The following OR51B5 variants were observed in gnomAD, a reference collection of about 807,000 sequenced individuals.
OR51B5 encodes the protein olfactory receptor 51B5.
For synonymous variants in OR51B5, 186 were observed against 144.8 expected (o/e 1.28, Z -2.04); for missense variants, 456 against 374.6 (o/e 1.22, Z -1.79).
chr11:5,360,459 T>G (rs1337281845), intron 1 of OR51B5, among the ~76,000 whole-genome samples: 2 of 150,924 alleles, frequency 1.3e-5, no homozygotes, highest in East Asian at 1.9e-4. Flanking sequence ...TCACACCAGT[T>G]AGAATGGCGA....
intron 1 of OR51B5, among the ~76,000 whole-genome samples, chr11:5,416,726 T>A (rs1850250384): frequency 7.3e-6 from 1 of 137,696 alleles, no homozygotes; most frequent in African/African-American, 2.7e-5. Flanking sequence ...ACAAGGGATG[T>A]GAAGGACCTC....
chr11:5,364,564 A>T (rs899441209), intron 1 of OR51B5, among the ~76,000 whole-genome samples: 4 of 152,294 alleles, frequency 2.6e-5, no homozygotes, highest in Middle Eastern at 3.4e-3. Flanking sequence ...AGCTTAAAAA[A>T]TATTCTGTAT....
At chr11:5,377,269 G>A (rs902020542) in intron 1 of OR51B5, among the ~76,000 whole-genome samples, 1 of 152,080 alleles carries the variant, frequency 6.6e-6, no homozygotes, top group Admixed American at 6.5e-5. Flanking sequence ...AACCCTTCAT[G>A]CTAAAAACTT....
At chr11:5,422,296 C>G in intron 1 of OR51B5, 8 of 1,614,090 alleles carry the variant, frequency 5.0e-6, no homozygotes, top group Non-Finnish European at 6.8e-6. Context: ...TCTCCATCCC[C>G]GTCTGCTGTC....
At chr11:5,459,950 C>A (rs2647591) in intron 1 of OR51B5, among the ~76,000 whole-genome samples, 100,746 of 152,016 alleles carry the variant, frequency 0.66, 33,662 homozygotes, top group Admixed American at 0.67. Context: ...AGCACTATTC[C>A]CAATAGCAAA....
At chr11:5,440,897 A>T in intron 1 of OR51B5, 1 of 1,613,806 alleles carries the variant, frequency 6.2e-7, no homozygotes, top group Non-Finnish European at 8.5e-7. Flanking sequence ...CATAGGTAAA[A>T]ATGATCACCA....
At chr11:5,475,109 A>G (rs1242887171) in intron 1 of OR51B5, among the ~76,000 whole-genome samples, 1 of 152,172 alleles carries the variant, frequency 6.6e-6, no homozygotes, top group Non-Finnish European at 1.5e-5. Context: ...TACCAGTCCT[A>G]CAGTCACTCT....
intron 1 of OR51B5, among the ~76,000 whole-genome samples, chr11:5,368,296 G>A (rs983148475): frequency 5.3e-5 from 8 of 152,116 alleles, no homozygotes; most frequent in Non-Finnish European, 1.2e-4. Context: ...TATTGGCTGC[G>A]TACCCTATAG....
intron 1 of OR51B5, among the ~76,000 whole-genome samples, chr11:5,419,185 T>C (rs1850291815): frequency 6.6e-6 from 1 of 152,222 alleles, no homozygotes; most frequent in Admixed American, 6.5e-5. Context: ...CACACTTGTG[T>C]GTCACAGACA....
chr11:5,422,411 A>G (rs746439667), intron 1 of OR51B5: 4 of 1,613,668 alleles, frequency 2.5e-6, no homozygotes, highest in Non-Finnish European at 3.4e-6. Context: ...GCTGGCCCTG[A>G]CGGACCTGGG....
intron 1 of OR51B5, among the ~76,000 whole-genome samples, chr11:5,351,036 G>T (rs182132611): frequency 6.6e-6 from 1 of 152,172 alleles, no homozygotes. Context: ...ATAGTGCTTA[G>T]AACCATTTTT....
In OR51B5 at chr11:5,485,257, C is replaced by T. The variant is rs1456105895; in HGVS notation, n.84+20312G>A. ...CAAAGCACATATGACATAAAAATAACCTTCCTCTCACGTTTTCTAAGTGCA... is the reference window on the plus strand; with the variant it reads ...CAAAGCACATATGACATAAAAATAATCTTCCTCTCACGTTTTCTAAGTGCA... On this transcript the variant is annotated intron_variant and non_coding_transcript_variant, in intron 1 of 4. Transcript: ENST00000415970. Among the ~76,000 whole-genome samples the T allele has an allele frequency of 2.0e-5, 3 of 152,136 alleles. No homozygotes were observed. The East Asian group carries it at 5.8e-4, about 29-fold the overall frequency.
chr11:5,373,833 A>C (rs564178940), intron 1 of OR51B5, among the ~76,000 whole-genome samples: 189 of 151,874 alleles, frequency 1.2e-3, no homozygotes, highest in African/African-American at 3.9e-3. Context: ...CAGGAAGCTC[A>C]AACTGGGTGG....
downstream of OR51B5, among the ~76,000 whole-genome samples, chr11:5,341,792 A>G (rs1848897564): frequency 6.6e-6 from 1 of 152,190 alleles, no homozygotes; most frequent in Non-Finnish European, 1.5e-5. Flanking sequence ...CTAGTCAGCC[A>G]GCGTAGATAT....
intron 1 of OR51B5, among the ~76,000 whole-genome samples, chr11:5,378,243 G>A (rs6578625): frequency 0.23 from 35,293 of 150,906 alleles, 4,358 homozygotes; most frequent in Non-Finnish European, 0.26. Context: ...GGTGCTGGGA[G>A]AACTGGCTAG....
chr11:5,425,592 T>C (rs1850436111), intron 1 of OR51B5, among the ~76,000 whole-genome samples: 1 of 152,198 alleles, frequency 6.6e-6, no homozygotes, highest in South Asian at 2.1e-4. Flanking sequence ...TGAAATAGAT[T>C]TCATTTTTGT....
chr11:5,421,960 T>C (rs10768950), intron 1 of OR51B5, among the ~76,000 whole-genome samples: 59,370 of 151,970 alleles, frequency 0.39, 13,081 homozygotes, highest in Non-Finnish European at 0.5. Flanking sequence ...GAGTTACCCA[T>C]GAATTAATAT....
intron 1 of OR51B5, among the ~76,000 whole-genome samples, chr11:5,505,054 T>A (rs1303029142): frequency 6.6e-6 from 1 of 152,204 alleles, no homozygotes; most frequent in East Asian, 1.9e-4. Flanking sequence ...GAGCCTCAGG[T>A]TTTCTTTGGC....
chr11:5,365,572 C>T (rs1849351619), intron 1 of OR51B5, among the ~76,000 whole-genome samples: 1 of 152,158 alleles, frequency 6.6e-6, no homozygotes, highest in Admixed American at 6.6e-5. Context: ...TACACAAAAA[C>T]ATTATCGAGA....
Sources: allele counts gnomAD v4.1 joint callset (sites outside exome capture counted in the v4.1 genomes callset), GRCh38; gene constraint gnomAD v4.1.1; transcripts MANE v1.5; gene names NCBI Gene and HGNC (gene_info 2026-07-23, HGNC 2026-07-21).